Variants in BNC2 observed in about 807,000 individuals in gnomAD.
BNC2 encodes zinc finger protein basonuclin-2.
Under a neutral mutation model 76.3 loss-of-function variants are expected in BNC2, and 20 were observed. The ratio of observed to expected loss-of-function variants is 0.26; its 90% CI spans 0.18 to 0.38. The LOEUF (loss-of-function observed/expected upper bound fraction) is 0.38. Ranked by LOEUF, BNC2 falls within the 10% of genes least tolerant of loss-of-function variation. The probability of loss-of-function intolerance (pLI) is 1.00; values close to 1 mark genes in which losing one functional copy is unlikely to be tolerated. For missense variants in BNC2, 1,382 were observed against 1,399.8 expected (o/e 0.99, Z 0.20); for synonymous variants, 582 against 514.8 (o/e 1.13, Z -1.77).
At chr9:16,831,675 T>C (rs1818580448) in intron 1 of BNC2, among the ~76,000 whole-genome samples, 1 of 152,186 alleles carries the variant, frequency 6.6e-6, no homozygotes, top group African/African-American at 2.4e-5. Context: ...AGTTATAAGA[T>C]ACCCATATGA....
At chr9:16,524,384 G>T (rs141899705) in intron 5 of BNC2, among the ~76,000 whole-genome samples, 5 of 152,072 alleles carry the variant, frequency 3.3e-5, no homozygotes, top group African/African-American at 1.2e-4. Flanking sequence ...GTAAGGAGAC[G>T]CCAGAGTGCA....
At chr9:16,613,741 T>C (rs1820618880) in intron 3 of BNC2, among the ~76,000 whole-genome samples, 1 of 152,168 alleles carries the variant, frequency 6.6e-6, no homozygotes, top group South Asian at 2.1e-4. Flanking sequence ...TGAGAAATCC[T>C]GGGTAACCAG....
At chr9:16,654,707 C>T (rs1002456635) in intron 3 of BNC2, among the ~76,000 whole-genome samples, 1 of 152,012 alleles carries the variant, frequency 6.6e-6, no homozygotes, top group Non-Finnish European at 1.5e-5. Flanking sequence ...TACCCATCCC[C>T]CATGCCCCCA....
At chr9:16,780,235 C>CAAAAAAA (rs372583425) in intron 1 of BNC2, among the ~76,000 whole-genome samples, 32 of 66,296 alleles carry the variant, frequency 4.8e-4, no homozygotes, top group South Asian at 1.1e-3. Context: ...GACTTCGTTT[C>CAAAAAAA]AAAAAAAAAA....
At chr9:16,635,352 T>A (rs781691341) in intron 3 of BNC2, among the ~76,000 whole-genome samples, 24 of 152,244 alleles carry the variant, frequency 1.6e-4, no homozygotes, top group Non-Finnish European at 3.4e-4. Flanking sequence ...ACTGATTTTG[T>A]TTATTTACTT....
chr9:16,739,579 G>C (rs1001598491), intron 1 of BNC2, among the ~76,000 whole-genome samples: 1 of 152,238 alleles, frequency 6.6e-6, no homozygotes, highest in Non-Finnish European at 1.5e-5. Context: ...AGCTGAGGCA[G>C]AGGAATCACT....
intron 3 of BNC2, among the ~76,000 whole-genome samples, chr9:16,590,459 C>G (rs557665626): frequency 8.4e-4 from 127 of 151,766 alleles, no homozygotes; most frequent in African/African-American, 3.0e-3. Flanking sequence ...TCCCAAAGTG[C>G]TAGGATTACA....
At chr9:16,841,808 A>T (rs1818833815) in intron 1 of BNC2, among the ~76,000 whole-genome samples, 1 of 85,150 alleles carries the variant, frequency 1.2e-5, no homozygotes, top group Middle Eastern at 9.3e-3. Flanking sequence ...CATTATTATC[A>T]AATTTGTTTT....
At chr9:16,495,213 C>T (rs1322334263) in intron 5 of BNC2, among the ~76,000 whole-genome samples, 1 of 152,030 alleles carries the variant, frequency 6.6e-6, no homozygotes, top group African/African-American at 2.4e-5. Context: ...AAAGGACAGT[C>T]GTAGTTTAAC....
chr9:16,610,852 A>G (rs1820525187), intron 3 of BNC2, among the ~76,000 whole-genome samples: 1 of 152,164 alleles, frequency 6.6e-6, no homozygotes. Flanking sequence ...CACTTAAAAG[A>G]GTTTTTTAAT....
At chr9:16,844,580 C>A (rs545843963) in intron 1 of BNC2, among the ~76,000 whole-genome samples, 1 of 148,906 alleles carries the variant, frequency 6.7e-6, no homozygotes. Flanking sequence ...TCACTGCAAC[C>A]TCCGCCTACC....
chr9:16,832,011 A>G (rs1818588000), intron 1 of BNC2, among the ~76,000 whole-genome samples: 1 of 152,232 alleles, frequency 6.6e-6, no homozygotes, highest in Admixed American at 6.5e-5. Flanking sequence ...TATGAAGTTA[A>G]AGAAAGCCAG....
At chr9:16,516,271 G>C (rs1368882345) in intron 5 of BNC2, among the ~76,000 whole-genome samples, 2 of 151,834 alleles carry the variant, frequency 1.3e-5, no homozygotes, top group Admixed American at 6.6e-5. Flanking sequence ...AGATGGGGCT[G>C]GTGTAGATAA....
intron 4 of BNC2, among the ~76,000 whole-genome samples, chr9:16,569,987 T>C (rs948394927): frequency 2.6e-5 from 4 of 152,166 alleles, no homozygotes; most frequent in Admixed American, 2.0e-4. Flanking sequence ...AAAGTAACTA[T>C]TGAGATTTGC....
intron 3 of BNC2, among the ~76,000 whole-genome samples, chr9:16,632,430 A>G (rs993021759): frequency 1.3e-4 from 5 of 39,244 alleles, no homozygotes; most frequent in Admixed American, 5.5e-4. Flanking sequence ...TAAAACGGGA[A>G]AAAAAAAAAA....
chr9:16,444,726 A>C (rs1821196396), intron 5 of BNC2, among the ~76,000 whole-genome samples: 1 of 152,202 alleles, frequency 6.6e-6, no homozygotes, highest in African/African-American at 2.4e-5. Flanking sequence ...ACCTTTGAGC[A>C]TTACAAACAG....
Position 16,419,541 on chromosome 9 carries a change from A to G in BNC2, c.2748T>C (p.Phe916=). The G allele has an allele frequency of 6.2e-7, 1 of 1,613,960 alleles. No individual in the cohort carries two copies. Reference sequence around the variant, plus strand: ...GCTGGGCACCATATATCTTCACCAAAAATTCATCGCGGAGGTCCTTGCTAA... The same window carrying G: ...GCTGGGCACCATATATCTTCACCAAGAATTCATCGCGGAGGTCCTTGCTAA... ...PSLSKDLRDE[F]LVKIYGAQHP... The change falls in exon 7 of 7, where the codon TTT becomes TTC. Residue 916 remains phenylalanine (F), a synonymous_variant. Transcript: ENST00000380672.
At chr9:16,565,088 A>T (rs1377747806) in intron 4 of BNC2, among the ~76,000 whole-genome samples, 1 of 152,166 alleles carries the variant, frequency 6.6e-6, no homozygotes, top group Non-Finnish European at 1.5e-5. Context: ...CTTCATTACT[A>T]CAAGGGCTCC....
At chr9:16,665,403 A>AG (rs1554702331) in intron 3 of BNC2, among the ~76,000 whole-genome samples, 6 of 113,786 alleles carry the variant, frequency 5.3e-5, no homozygotes, top group African/African-American at 1.2e-4. Flanking sequence ...AGAGAGAGAG[A>AG]AAGAGAGAAA....
Sources: gnomAD v4.1 joint callset for allele counts (sites outside exome capture counted in the v4.1 genomes callset) on GRCh38, gnomAD v4.1.1 for gene constraint, MANE v1.5 for transcripts, NCBI Gene and HGNC (gene_info 2026-07-23, HGNC 2026-07-21) for gene names.